MEAF6: variants seen among roughly 807,000 people sequenced by gnomAD.
MEAF6 encodes the protein MYST/Esa1 associated factor 6, also known as chromatin modification-related protein MEAF6.
A neutral mutation model predicts 28.9 loss-of-function variants in MEAF6; 15 were observed. The ratio of observed to expected loss-of-function variants is 0.52; its 90% CI spans 0.35 to 0.80. The LOEUF is 0.80. MEAF6 is among the 30% of genes least tolerant of loss of function. The pLI, the probability that MEAF6 is intolerant of heterozygous loss-of-function variation, is 0.01. For missense variants in MEAF6, 178 were observed against 237.5 expected, an observed-to-expected ratio of 0.75 and a Z score of 1.65; for synonymous variants, 97 against 88.7, an observed-to-expected ratio of 1.09 and a Z score of -0.53.
At chr1:37,506,201 G>A (rs953085437) in intron 4 of MEAF6, among the ~76,000 whole-genome samples, 22 of 151,992 alleles carry the variant, frequency 1.4e-4, no homozygotes, top group African/African-American at 5.1e-4. Flanking sequence ...AACCCAGGAG[G>A]TGGAGGTTGT....
At chr1:37,513,987 T>C in intron 1 of MEAF6, 1 of 187,140 alleles carries the variant, frequency 5.3e-6, no homozygotes, top group Non-Finnish European at 1.1e-5. Context: ...TATGGAAACC[T>C]AGAAGGGCAG....
At chr1:37,513,797 A>G (rs1029216509) in intron 1 of MEAF6, 1 of 547,634 alleles carries the variant, frequency 1.8e-6, no homozygotes, top group African/African-American at 1.9e-5. Flanking sequence ...CATATACTTT[A>G]GAGGATTCAC....
rs1033249489 is a variant in MEAF6 at position 37,490,503 on chromosome 1, C to T, written c.*3596G>A. Reference sequence around the variant, plus strand: ...GCTCTCTCCCCACACTTCACATAAACCAGTATAGTCCCCCTGTAGTCAAGG... The same window carrying T: ...GCTCTCTCCCCACACTTCACATAAATCAGTATAGTCCCCCTGTAGTCAAGG... On this transcript the variant is annotated 3_prime_UTR_variant, in exon 7 of 7. Transcript: ENST00000296214. Among the ~76,000 whole-genome samples the T allele has an allele frequency of 2.0e-5, 3 of 152,118 alleles. No homozygotes were observed. Among genetic ancestry groups the T allele is most frequent in the Non-Finnish European group, 4.4e-5 (3 of 68,040 alleles).
At position 37,493,816 on chromosome 1, in the gene MEAF6, TAAG is replaced by T; in HGVS notation, c.*280_*282del. 2 of 1,551,026 alleles carry T rather than the reference TAAG, an allele frequency of 1.3e-6. No individual in the cohort carries two copies. Among genetic ancestry groups the T allele is most frequent in the Non-Finnish European group, 1.7e-6 (2 of 1,147,146 alleles). On this transcript the variant is annotated 3_prime_UTR_variant, in exon 7 of 7. Coordinates refer to ENST00000296214, the MANE Select transcript of MEAF6 (RefSeq NM_001270875.3). ...CCAGTTTTGGGGGAGACATTCATTCTAAGAAGGGAGAAACGCACAGTTAGCAAC... is the reference window on the plus strand; with the variant it reads ...CCAGTTTTGGGGGAGACATTCATTCTAAGGGAGAAACGCACAGTTAGCAAC...
chr1:37,503,657 TC>T, intron 4 of MEAF6, among the ~76,000 whole-genome samples: 1 of 70,620 alleles, frequency 1.4e-5, no homozygotes, highest in Non-Finnish European at 2.6e-5. Context: ...CAAGACTGTC[TC>T]AAAAAAAAAA....
In MEAF6 at chr1:37,492,016, C is replaced by T. The variant is rs1174037667; in HGVS notation, c.*2083G>A. ...CTATTCCATCTCTAGCAATCTCAAACTGTTAAGAGTCAAAAATATTTTTTT... is the reference window on the plus strand; with the variant it reads ...CTATTCCATCTCTAGCAATCTCAAATTGTTAAGAGTCAAAAATATTTTTTT... On this transcript the variant is annotated 3_prime_UTR_variant, in exon 7 of 7. Coordinates refer to ENST00000296214, the MANE Select transcript of MEAF6 (RefSeq NM_001270875.3). 6.8e-6 allele frequency among the ~76,000 whole-genome samples: 1 copy of T among 147,744 alleles called. No individual in the cohort carries two copies. Among genetic ancestry groups the T allele is most frequent in the Admixed American group, 6.9e-5 (1 of 14,438 alleles).
chr1:37,495,690 AAAAAAACAAAAAAC>A lies in MEAF6; in HGVS notation c.567+181_567+194del, dbSNP rs1166237814. Among the ~76,000 whole-genome samples, 771 of 110,394 alleles carry A rather than the reference AAAAAAACAAAAAAC, an allele frequency of 7.0e-3. 13 individuals are homozygous for A. Among genetic ancestry groups the A allele is most frequent in the African/African-American group, 0.023 (743 of 32,838 alleles). 72.4% of individuals were successfully genotyped at this position (110,394 alleles called of 152,430 possible). On this transcript the variant is annotated intron_variant, in intron 6 of 6. Coordinates refer to ENST00000296214, the MANE Select transcript of MEAF6 (RefSeq NM_001270875.3). Reference sequence around the variant, plus strand: ...AGAGCAAGAAACTGTCTCTCAAAAAAAAAAAACAAAAAACAAAAAAAAAAAAAAACAAAAAAACC... The same window carrying A: ...AGAGCAAGAAACTGTCTCTCAAAAAAAAAAAAAAAAAAAAACAAAAAAACC...
At chr1:37,514,556 G>A in intron 1 of MEAF6, 101 bp downstream of exon 1, 2 of 857,092 alleles carry the variant, frequency 2.3e-6, no homozygotes, top group South Asian at 3.2e-5. Context: ...GCCGCGCCGC[G>A]CCCCCGGAGT....
chr1:37,508,323 C>A (rs936362938), intron 4 of MEAF6, among the ~76,000 whole-genome samples: 4 of 140,862 alleles, frequency 2.8e-5, no homozygotes, highest in African/African-American at 1.0e-4. Flanking sequence ...CTTTGTCACC[C>A]AGGCTGGAGC....
At chr1:37,496,564 G>T in intron 5 of MEAF6, 1 of 1,425,120 alleles carries the variant, frequency 7.0e-7, no homozygotes. Flanking sequence ...ACGTTTTTCT[G>T]TTTTTAAAAA....
At chr1:37,499,837 TTTAAC>T (rs1450984754) in intron 5 of MEAF6, among the ~76,000 whole-genome samples, 5 of 152,194 alleles carry the variant, frequency 3.3e-5, no homozygotes, top group Admixed American at 3.3e-4. Context: ...TTAGCTCCTC[TTTAAC>T]TCCTTTTTAT....
At chr1:37,501,778 G>A in intron 5 of MEAF6, 26 bp downstream of exon 5, 1 of 1,533,634 alleles carries the variant, frequency 6.5e-7, no homozygotes. Context: ...CATGGGAGCT[G>A]CGGGGGTGGG....
At chr1:37,498,421 ATT>A (rs1005573769) in intron 5 of MEAF6, among the ~76,000 whole-genome samples, 1 of 144,648 alleles carries the variant, frequency 6.9e-6, no homozygotes, top group African/African-American at 2.7e-5. Context: ...TATTATTATT[ATT>A]ATTATTATTA....
At position 37,492,275 on chromosome 1, in the gene MEAF6, G is replaced by A. The variant is rs1199981304; in HGVS notation, c.*1824C>T. ...GATCTCCTGACCTCGTGATCCGCCC[G>A]CTTCGGCCTCCCAAAGTGCTGGGAT... On this transcript the variant is annotated 3_prime_UTR_variant, in exon 7 of 7. Coordinates refer to ENST00000296214, the MANE Select transcript of MEAF6 (RefSeq NM_001270875.3). Among the ~76,000 whole-genome samples, 1 of 151,810 alleles carries A rather than the reference G, an allele frequency of 6.6e-6. No homozygotes were observed. The highest frequency in any genetic ancestry group is 1.5e-5 in the Non-Finnish European group (1 of 67,966).
intron 5 of MEAF6, among the ~76,000 whole-genome samples, chr1:37,498,977 C>A (rs1428392792): frequency 6.6e-6 from 1 of 151,862 alleles, no homozygotes; most frequent in Non-Finnish European, 1.5e-5. Context: ...TGGCAAAACC[C>A]CATCTCTACA....
chr1:37,494,148 G>A (rs1280540969), intron 6 of MEAF6, 41 bp from the exon 7 acceptor site: 1 of 1,560,602 alleles, frequency 6.4e-7, no homozygotes, highest in East Asian at 2.2e-5. Flanking sequence ...ACTCTCGGCA[G>A]AACAGTTGTT....
intron 5 of MEAF6, among the ~76,000 whole-genome samples, chr1:37,500,078 A>G (rs930359263): frequency 2.0e-5 from 3 of 152,230 alleles, no homozygotes; most frequent in Non-Finnish European, 2.9e-5. Context: ...AGGCCGAGGC[A>G]GGTGGATCAC....
In MEAF6 at chr1:37,493,893, A is replaced by C. The variant is rs1642025669; in HGVS notation, c.*206T>G. On this transcript the variant is annotated 3_prime_UTR_variant, in exon 7 of 7. Coordinates refer to ENST00000296214, the MANE Select transcript of MEAF6 (RefSeq NM_001270875.3). The stretch of plus-strand genomic sequence containing the variant: ...TCATCTTCCTGCAGTTCTGTTACTA[A>C]AAATGACATAAAGTAAGACCCAATG... 1 of 1,578,466 alleles carries C rather than the reference A, an allele frequency of 6.3e-7. No homozygotes were observed. The highest frequency in any genetic ancestry group is 8.6e-7 in the Non-Finnish European group (1 of 1,164,172).
chr1:37,508,705 C>T (rs2148083868), intron 4 of MEAF6, among the ~76,000 whole-genome samples: 1 of 152,250 alleles, frequency 6.6e-6, no homozygotes, highest in Non-Finnish European at 1.5e-5. Context: ...TAAGATTTAT[C>T]AGTAATGAAA....
Sources: gnomAD v4.1 joint callset for allele counts (sites outside exome capture counted in the v4.1 genomes callset) on GRCh38, gnomAD v4.1.1 for gene constraint, MANE v1.5 for transcripts, NCBI Gene and HGNC (gene_info 2026-07-23, HGNC 2026-07-21) for gene names.